PCDHGA11: variants seen among roughly 807,000 people sequenced by gnomAD.
The protein encoded by PCDHGA11 is protocadherin gamma-A11.
A neutral mutation model predicts 60.4 loss-of-function variants in PCDHGA11; 39 were observed. That is an observed-to-expected ratio of 0.65 (90% CI 0.50 to 0.84). The LOEUF (loss-of-function observed/expected upper bound fraction) is 0.84. Ranked by LOEUF, PCDHGA11 falls within the 40% of genes least tolerant of loss-of-function variation. The pLI is 0.00. For missense variants in PCDHGA11, 1,165 were observed against 1,197.7 expected (o/e 0.97, Z 0.40); for synonymous variants, 533 against 510.3 (o/e 1.04, Z -0.60).
rs530139788 is a variant in PCDHGA11, at chr5:141,509,165, C to A, written c.2582-1782C>A. On this transcript the variant is annotated intron_variant, in intron 3 of 3. Coordinates refer to ENST00000398587, the MANE Select transcript of PCDHGA11 (RefSeq NM_018914.3). ...TCCCGGCTCTCCCCTCCCGTGTGCC[C>A]TCCTCCTCTTATGCCGGCTTGAAAA... Among the ~76,000 whole-genome samples the A allele has an allele frequency of 1.4e-4, 21 of 152,332 alleles. No individual in the cohort carries two copies. In the South Asian group the frequency reaches 4.1e-3, roughly 30 times the overall value.
chr5:141,472,623 TAA>T (rs2099291037), intron 1 of PCDHGA11, among the ~76,000 whole-genome samples: 1 of 152,018 alleles, frequency 6.6e-6, no homozygotes, highest in Non-Finnish European at 1.5e-5. Context: ...AGAAAAAAGA[TAA>T]AGACTGGGAA....
In PCDHGA11 at chr5:141,477,191, A is replaced by G; in HGVS notation, c.2434-17616A>G. ...GGAGATCACAGTCACCTCCGTGTACAGCCCAGTACCCGAGGATGCCCCTCT... is the reference window on the plus strand; with the variant it reads ...GGAGATCACAGTCACCTCCGTGTACGGCCCAGTACCCGAGGATGCCCCTCT... On this transcript the variant is annotated intron_variant, in intron 1 of 3. Transcript: ENST00000398587. This position sits in a 1 kb window ranked among gnomAD's most constrained non-coding sequence, Gnocchi z 4.9. 5.0e-6 allele frequency: 8 copies of G among 1,614,210 alleles called. No homozygotes were observed. The highest frequency in any genetic ancestry group is 6.8e-6 in the Non-Finnish European group (8 of 1,180,044).
intron 3 of PCDHGA11, among the ~76,000 whole-genome samples, chr5:141,507,817 G>C (rs1038461861): frequency 3.3e-5 from 5 of 152,206 alleles, no homozygotes; most frequent in Non-Finnish European, 5.9e-5. Context: ...AACGGACCCT[G>C]GGGGTGGAGG....
At chr5:141,441,890 T>C (rs967557692) in intron 1 of PCDHGA11, 18 of 348,170 alleles carry the variant, frequency 5.2e-5, no homozygotes, top group Non-Finnish European at 7.2e-5. Flanking sequence ...GTCACCAAGG[T>C]GGTGGCTGTA....
intron 3 of PCDHGA11, among the ~76,000 whole-genome samples, chr5:141,509,622 T>C (rs2099877603): frequency 6.6e-6 from 1 of 152,186 alleles, no homozygotes; most frequent in Non-Finnish European, 1.5e-5. Flanking sequence ...AACAAGTTCC[T>C]GGGTGATGCT....
chr5:141,495,465 G>A (rs563411010), intron 2 of PCDHGA11, among the ~76,000 whole-genome samples: 3 of 152,182 alleles, frequency 2.0e-5, no homozygotes, highest in Non-Finnish European at 2.9e-5. Context: ...TGTCTGTGGG[G>A]TCTCCGTGTC....
intron 1 of PCDHGA11, among the ~76,000 whole-genome samples, chr5:141,455,243 A>G (rs945218710): frequency 1.3e-5 from 2 of 152,146 alleles, no homozygotes; most frequent in Non-Finnish European, 2.9e-5. Flanking sequence ...GTTAAAGGTC[A>G]TAGTACAATC....
At position 141,431,368 on chromosome 5, in the gene PCDHGA11, A is replaced by G; in HGVS notation, c.2433+7708A>G. On this transcript the variant is annotated intron_variant, in intron 1 of 3. Coordinates refer to ENST00000398587, the MANE Select transcript of PCDHGA11 (RefSeq NM_018914.3). The surrounding 1 kb of genome is among the most constrained non-coding windows in gnomAD (Gnocchi z 4.8). ...TGCTGAAACGCGCCCTGGACCGCGA[A>G]GAAAAGGCTGCTCACCACCTGGTCC... 1.9e-6 allele frequency: 3 copies of G among 1,614,002 alleles called. No individual in the cohort carries two copies. The highest frequency in any genetic ancestry group is 2.5e-6 in the Non-Finnish European group (3 of 1,180,034).
intron 1 of PCDHGA11, among the ~76,000 whole-genome samples, chr5:141,470,036 C>T (rs573955901): frequency 5.3e-5 from 8 of 152,022 alleles, no homozygotes; most frequent in South Asian, 2.1e-4. Flanking sequence ...TGCTGAGGCG[C>T]GAGAACTGTT....
chr5:141,433,140 CAGGTGATTCGGTATTTTCTAAAG>C (rs2097570930), intron 1 of PCDHGA11: 1 of 1,613,948 alleles, frequency 6.2e-7, no homozygotes, highest in Non-Finnish European at 8.5e-7. Flanking sequence ...CTTTTGCTGT[CAGGTGATTCGGTATTTTCTAAAG>C]ACAGTCATGG....
rs779191558 is a variant in PCDHGA11 at position 141,491,465 on chromosome 5, A to T, written c.2434-3342A>T. 3.1e-6 allele frequency: 5 copies of T among 1,614,092 alleles called. No homozygotes were observed. Among genetic ancestry groups the T allele is most frequent in the Non-Finnish European group, 4.2e-6 (5 of 1,180,010 alleles). On this transcript the variant is annotated intron_variant, in intron 1 of 3. Transcript: ENST00000398587. The surrounding 1 kb of genome is among the most constrained non-coding windows in gnomAD (Gnocchi z 6.9). ...CAGGACTCACCCTCCCCGGACTTCT[A>T]TAAGCAGTCCAGCCCCAACCTGCAG... is the stretch of plus-strand genomic sequence containing the variant.
At chr5:141,459,670 T>A (rs890411975) in intron 1 of PCDHGA11, among the ~76,000 whole-genome samples, 4 of 152,264 alleles carry the variant, frequency 2.6e-5, no homozygotes, top group African/African-American at 9.6e-5. Context: ...TACATTTTCA[T>A]GAGCAATGCA....
Position 141,453,292 on chromosome 5 carries a change from T to A in PCDHGA11, c.2433+29632T>A, listed in dbSNP as rs141563552. The stretch of plus-strand genomic sequence containing the variant: ...CCATGACTGGCTAATTTTTTAATTA[T>A]TTATTTATTTATTTATTTATTTTAG... On this transcript the variant is annotated intron_variant, in intron 1 of 3. Transcript: ENST00000398587. Among the ~76,000 whole-genome samples, 253 of 151,810 alleles carry A rather than the reference T, an allele frequency of 1.7e-3. 1 individual carries two copies. The highest frequency in any genetic ancestry group is 2.6e-3 in the Non-Finnish European group (178 of 67,938).
intron 1 of PCDHGA11, among the ~76,000 whole-genome samples, chr5:141,449,290 G>A (rs1255760925): frequency 1.3e-5 from 2 of 151,934 alleles, no homozygotes; most frequent in Admixed American, 6.6e-5. Context: ...CGGATGCACC[G>A]GGTGAATTAT....
At chr5:141,471,965 G>A (rs919560714) in intron 1 of PCDHGA11, among the ~76,000 whole-genome samples, 4 of 152,160 alleles carry the variant, frequency 2.6e-5, no homozygotes, top group Non-Finnish European at 4.4e-5. Context: ...GGGGTTGGTT[G>A]CATTACTGTA....
chr5:141,509,292 T>A (rs1407798154), intron 3 of PCDHGA11, among the ~76,000 whole-genome samples: 1 of 152,028 alleles, frequency 6.6e-6, no homozygotes, highest in Non-Finnish European at 1.5e-5. Context: ...GGGTCCAGGG[T>A]GGAGGCAGAG....
rs2099883795 is a variant in PCDHGA11 at position 141,511,444 on chromosome 5, A to C, written c.*271A>C. 3.0e-6 allele frequency: 2 copies of C among 665,362 alleles called. No individual in the cohort carries two copies. The highest frequency in any genetic ancestry group is 3.6e-5 in the African/African-American group (2 of 54,978). 41.2% of individuals were successfully genotyped at this position (665,362 alleles called of 1,614,324 possible). On this transcript the variant is annotated 3_prime_UTR_variant, in exon 4 of 4. Coordinates refer to ENST00000398587, the MANE Select transcript of PCDHGA11 (RefSeq NM_018914.3). ...GGGTAGTGGGGTTACTGTAGACACC[A>C]AGAACCATTTGCCACACCCCGTTTA...
chr5:141,429,510 T>A (rs2097220128), intron 1 of PCDHGA11, among the ~76,000 whole-genome samples: 1 of 152,124 alleles, frequency 6.6e-6, no homozygotes, highest in African/African-American at 2.4e-5. Context: ...AAACTGTGCC[T>A]GGCAGAGAAA....
Position 141,486,484 on chromosome 5 carries a change from C to A in PCDHGA11, c.2434-8323C>A. On this transcript the variant is annotated intron_variant, in intron 1 of 3. Transcript: ENST00000398587. This position sits in a 1 kb window ranked among gnomAD's most constrained non-coding sequence, Gnocchi z 5.0. ...ATGCTGGGAACCCTCCTCTCAGTAC[C>A]CACAGAACTATTTTCCTCAATATTT... is the stretch of plus-strand genomic sequence containing the variant. 5 of 1,614,102 alleles carry A rather than the reference C, an allele frequency of 3.1e-6. No homozygotes were observed. Among genetic ancestry groups the A allele is most frequent in the Non-Finnish European group, 4.2e-6 (5 of 1,179,930 alleles).
Sources: allele counts gnomAD v4.1 joint callset (sites outside exome capture counted in the v4.1 genomes callset), GRCh38; gene constraint gnomAD v4.1.1; non-coding constraint Gnocchi (gnomAD v3.1); transcripts MANE v1.5; gene names NCBI Gene and HGNC (gene_info 2026-07-23, HGNC 2026-07-21).